Variants in SERPINB5 observed in about 807,000 individuals in gnomAD.
SERPINB5 encodes serpin B5.
A neutral mutation model predicts 32.2 loss-of-function variants in SERPINB5; 27 were observed. That is an observed-to-expected ratio of 0.84 (90% CI 0.62 to 1.16). The LOEUF is 1.16. Ranked by LOEUF, SERPINB5 falls within the 50% of genes most tolerant of loss-of-function variation. The pLI is 0.00. For missense variants in SERPINB5, 388 were observed against 436.3 expected (o/e 0.89, Z 0.99); for synonymous variants, 154 against 157.4 (o/e 0.98, Z 0.16).
intron 5 of SERPINB5, among the ~76,000 whole-genome samples, chr18:63,494,043 G>A (rs1275085907): frequency 2.6e-5 from 4 of 151,996 alleles, no homozygotes; most frequent in African/African-American, 9.7e-5. Flanking sequence ...ATTAATAGAG[G>A]GTGGGCACAG....
chr18:63,482,996 A>G (rs1389001532), intron 1 of SERPINB5, among the ~76,000 whole-genome samples: 3 of 152,100 alleles, frequency 2.0e-5, no homozygotes, highest in East Asian at 1.9e-4. Flanking sequence ...TCCGCTGTCT[A>G]TTAGAGATTG....
At chr18:63,484,784 G>GT (rs1280901119) in intron 2 of SERPINB5, among the ~76,000 whole-genome samples, 188 bp downstream of exon 2, 1 of 122,160 alleles carries the variant, frequency 8.2e-6, no homozygotes, top group Non-Finnish European at 1.6e-5. Flanking sequence ...GTCCCACTCT[G>GT]TCACCCATGC....
At chr18:63,480,985 GT>G (rs1379279925) in intron 1 of SERPINB5, among the ~76,000 whole-genome samples, 1 of 152,170 alleles carries the variant, frequency 6.6e-6, no homozygotes. Context: ...ATCTCTTTGC[GT>G]TCATGCACTG....
chr18:63,503,713 T>G lies in SERPINB5; in HGVS notation c.1119T>G (p.Cys373Trp). ...ACATTATTTTCTTTGGCAAATTCTG[T>G]TCTCCTTAAGTGGCATAGCCCATGT... ...TRNIIFFGKF[C>W]SP Residue 373 changes from cysteine (C) to tryptophan (W), a missense_variant, in exon 7 of 7, where the codon TGT becomes TGG. By Grantham distance (215) the Cys-to-Trp change is radical. Transcript: ENST00000382771. The G allele has an allele frequency of 6.2e-7, 1 of 1,614,172 alleles. No homozygotes were observed. The highest frequency in any genetic ancestry group is 8.5e-7 in the Non-Finnish European group (1 of 1,180,010).
chr18:63,499,991 A>G (rs1909537715), intron 6 of SERPINB5, among the ~76,000 whole-genome samples: 1 of 115,418 alleles, frequency 8.7e-6, no homozygotes, highest in African/African-American at 2.9e-5. Flanking sequence ...CAATACTGAC[A>G]TATTACTATT....
intron 1 of SERPINB5, among the ~76,000 whole-genome samples, chr18:63,484,111 T>C (rs1231017389): frequency 1.3e-5 from 2 of 152,260 alleles, no homozygotes; most frequent in Non-Finnish European, 1.5e-5. Context: ...ATTAGTGCTG[T>C]CAACTTTTCT....
In SERPINB5 at chr18:63,503,701, T is replaced by C. The variant is rs781491743; in HGVS notation, c.1107T>C (p.Phe369=). The C allele has an allele frequency of 6.2e-7, 1 of 1,614,190 alleles. No individual in the cohort carries two copies. The highest frequency in any genetic ancestry group is 1.7e-5 in the Admixed American group (1 of 60,030). ...ACAAAACTCGAAACATTATTTTCTT[T>C]GGCAAATTCTGTTCTCCTTAAGTGG... is the stretch of plus-strand genomic sequence containing the variant. ...RHNKTRNIIF[F]GKFCSP is the part of the protein sequence containing the mutation. Residue 369 remains phenylalanine (F), a synonymous_variant, in exon 7 of 7, where the codon TTT becomes TTC. Coordinates refer to ENST00000382771, the MANE Select transcript of SERPINB5 (RefSeq NM_002639.5).
chr18:63,493,212 G>C, intron 5 of SERPINB5, 117 bp downstream of exon 5: 1 of 1,374,852 alleles, frequency 7.3e-7, no homozygotes, highest in Non-Finnish European at 1.0e-6. Flanking sequence ...GGCCGGCAAA[G>C]TGCCTTTCCT....
chr18:63,497,825 T>TGGGGAG (rs1311811344), intron 5 of SERPINB5, among the ~76,000 whole-genome samples: 33 of 152,336 alleles, frequency 2.2e-4, no homozygotes, highest in African/African-American at 7.2e-4. Flanking sequence ...ACCATTATTC[T>TGGGGAG]GAATTTACAA....
intron 2 of SERPINB5, 186 bp from the exon 3 acceptor site, chr18:63,486,760 G>A: frequency 1.8e-6 from 1 of 551,298 alleles, no homozygotes; most frequent in Non-Finnish European, 3.2e-6. Flanking sequence ...GCAGTGCCCA[G>A]GACAGCCCCA....
At position 63,503,745 on chromosome 18, in the gene SERPINB5, C is replaced by A. The variant is rs993744228; in HGVS notation, c.*23C>A. The A allele has an allele frequency of 1.0e-5, 16 of 1,605,248 alleles. No individual in the cohort carries two copies. Among genetic ancestry groups the A allele is most frequent in the Non-Finnish European group, 1.4e-5 (16 of 1,177,172 alleles). ...TAAGTGGCATAGCCCATGTTAAGTC[C>A]TCCCTGACTTTTCTGTGGATGCCGA... On this transcript the variant is annotated 3_prime_UTR_variant, in exon 7 of 7. Transcript: ENST00000382771.
At chr18:63,497,499 G>GGAAAAAAAAAAAAAAAAAAAAAAAAAAA (rs74169971) in intron 5 of SERPINB5, 1 of 217,032 alleles carries the variant, frequency 4.6e-6, no homozygotes, top group African/African-American at 2.5e-5. Flanking sequence ...CAACGTTTCT[G>GGAAAAAAAAAAAAAAAAAAAAAAAAAAA]AAAAAAAAAA....
chr18:63,486,696 TAGG>T lies in SERPINB5; in HGVS notation c.169-242_169-240del, dbSNP rs993612693. On this transcript the variant is annotated intron_variant, in intron 2 of 6. Coordinates refer to ENST00000382771, the MANE Select transcript of SERPINB5 (RefSeq NM_002639.5). ...TGGAGACATTCTGGGTTCTCACAAA[TAGG>T]AGGAGGATGCCACTGGCATCTAGTA... 6 of 343,844 alleles carry T rather than the reference TAGG, an allele frequency of 1.7e-5. No homozygotes were observed. In the Admixed American group the frequency reaches 2.6e-4, roughly 15 times the overall value. 21.3% of individuals were successfully genotyped at this position (343,844 alleles called of 1,614,324 possible). A position where few individuals can be genotyped will look rare whatever the true frequency, so the allele number is the denominator to read the frequency against.
At chr18:63,502,699 C>G (rs1397588421) in intron 6 of SERPINB5, among the ~76,000 whole-genome samples, 2 of 152,062 alleles carry the variant, frequency 1.3e-5, no homozygotes, top group African/African-American at 4.8e-5. Flanking sequence ...ACATCATGAT[C>G]CAGGCATTTG....
intron 4 of SERPINB5, among the ~76,000 whole-genome samples, chr18:63,490,195 A>G (rs1210057115): frequency 6.6e-6 from 1 of 152,004 alleles, no homozygotes; most frequent in Non-Finnish European, 1.5e-5. Context: ...CTGTCTTAAA[A>G]AAAGAAAACC....
At chr18:63,497,100 A>G in intron 5 of SERPINB5, 1 of 604,586 alleles carries the variant, frequency 1.7e-6, no homozygotes, top group Non-Finnish European at 3.2e-6. Context: ...GCATTCATCT[A>G]AACAGCCTTC....
rs934815897 is a variant in SERPINB5, at chr18:63,486,817, C to G, written c.169-129C>G. On this transcript the variant is annotated intron_variant, in intron 2 of 6. Transcript: ENST00000382771. ...TGTCAATAGTGCTGAGGTTGAGGAG[C>G]CTTACTTTACGGGAACTAGGCAGGA... 5.6e-6 allele frequency: 5 copies of G among 900,150 alleles called. No homozygotes were observed. The African/African-American group carries it at 8.4e-5, about 15-fold the overall frequency. The allele number at this position is 900,150 out of a possible 1,614,324, so 55.8% of individuals were successfully genotyped here. A position where few individuals can be genotyped will look rare whatever the true frequency, so the allele number is the denominator to read the frequency against.
chr18:63,497,420 G>T, intron 5 of SERPINB5: 1 of 959,528 alleles, frequency 1.0e-6, no homozygotes, highest in South Asian at 1.3e-5. Context: ...GGGGTCACCT[G>T]CCTGTCCCTG....
Position 63,503,998 on chromosome 18 carries a change from A to C in SERPINB5, c.*276A>C, listed in dbSNP as rs1909629239. On this transcript the variant is annotated 3_prime_UTR_variant, in exon 7 of 7. Transcript: ENST00000382771. ...AAAAATATTTATTCATTATTTGTCA[A>C]ATTGTCCGGGGTAGTTGGCAGAAAT... The C allele has an allele frequency of 2.6e-6, 1 of 388,938 alleles. No individual in the cohort carries two copies. The highest frequency in any genetic ancestry group is 4.6e-6 in the Non-Finnish European group (1 of 218,396). The allele number at this position is 388,938 out of a possible 1,614,324, so 24.1% of individuals were successfully genotyped here. A position where few individuals can be genotyped will look rare whatever the true frequency, so the allele number is the denominator to read the frequency against.
Sources: allele counts gnomAD v4.1 joint callset (sites outside exome capture counted in the v4.1 genomes callset), GRCh38; gene constraint gnomAD v4.1.1; transcripts MANE v1.5; gene names NCBI Gene and HGNC (gene_info 2026-07-23, HGNC 2026-07-21).